MAMLD1: variants seen among roughly 807,000 people sequenced by gnomAD.
MAMLD1 encodes mastermind like domain containing 1.
Under a neutral mutation model 45.0 loss-of-function variants are expected in MAMLD1, and 14 were observed. The ratio of observed to expected loss-of-function variants is 0.31; its 90% CI spans 0.21 to 0.49. The LOEUF is 0.49. MAMLD1 is among the 20% of genes least tolerant of loss of function. MAMLD1 has a pLI of 0.99. For synonymous variants in MAMLD1, 254 were observed against 247.8 expected (o/e 1.02, Z -0.24); for missense variants, 543 against 603.6 (o/e 0.90, Z 1.05).
intron 1 of MAMLD1, among the ~76,000 whole-genome samples, chrX:150,404,050 GA>G (rs1481653563): frequency 1.8e-4 from 11 of 60,319 alleles, no homozygotes; most frequent in African/African-American, 1.2e-3. Context: ...AGGAAGGAAG[GA>G]AAGGAAGGAA....
intron 2 of MAMLD1, among the ~76,000 whole-genome samples, chrX:150,462,239 G>A (rs983912240): frequency 8.9e-6 from 1 of 112,311 alleles, no homozygotes; most frequent in Non-Finnish European, 1.9e-5. Flanking sequence ...ATCTATGCTG[G>A]ACTTTGACCA....
rs183407653 is a variant in MAMLD1 at position 150,493,113 on chromosome X, C to A, written c.2041-10161C>A. On this transcript the variant is annotated intron_variant, in intron 5 of 7. Coordinates refer to ENST00000370401, the MANE Select transcript of MAMLD1 (RefSeq NM_005491.5). ...TACATACTTGAGTGTCTGTGTGGAC[C>A]AAATCTGGGGTGGGAAGGCAGGCTT... 5.9e-3 allele frequency among the ~76,000 whole-genome samples: 658 copies of A among 111,525 alleles called. 4 individuals are homozygous for A. Among genetic ancestry groups the A allele is most frequent in the African/African-American group, 0.02 (599 of 30,629 alleles).
chrX:150,480,772 G>GT (rs1271109322), intron 5 of MAMLD1, among the ~76,000 whole-genome samples: 1 of 112,326 alleles, frequency 8.9e-6, no homozygotes, highest in African/African-American at 3.2e-5. Flanking sequence ...AAAAATAAAA[G>GT]TGGGTGCTCC....
chrX:150,469,538 G>C (rs2036335051), intron 3 of MAMLD1, among the ~76,000 whole-genome samples: 1 of 111,801 alleles, frequency 8.9e-6, no homozygotes, highest in African/African-American at 3.3e-5. Context: ...TCTTTAAACT[G>C]AGAGGTCTGT....
At chrX:150,392,096 A>G (rs1326361727) in intron 1 of MAMLD1, among the ~76,000 whole-genome samples, 1 of 112,244 alleles carries the variant, frequency 8.9e-6, no homozygotes, top group Non-Finnish European at 1.9e-5. Flanking sequence ...GGAAGAGGGA[A>G]ATAGAGACTG....
intron 1 of MAMLD1, among the ~76,000 whole-genome samples, chrX:150,440,228 C>T (rs1464624797): frequency 1.8e-5 from 2 of 110,720 alleles, no homozygotes; most frequent in Non-Finnish European, 3.8e-5. Flanking sequence ...AGAATAAACT[C>T]AACTTGATCA....
chrX:150,453,874 C>T (rs1439052855), intron 2 of MAMLD1, among the ~76,000 whole-genome samples: 2 of 112,205 alleles, frequency 1.8e-5, no homozygotes, highest in East Asian at 2.8e-4. Context: ...GAGCCACCTG[C>T]CATTCTATCA....
chrX:150,446,825 A>G (rs1346865178), intron 2 of MAMLD1, among the ~76,000 whole-genome samples: 1 of 112,719 alleles, frequency 8.9e-6, no homozygotes, highest in Non-Finnish European at 1.9e-5. Flanking sequence ...TCAACAATTG[A>G]GTCAGTAAAG....
chrX:150,376,876 G>GA (rs34242695), intron 1 of MAMLD1, among the ~76,000 whole-genome samples: 84 of 93,196 alleles, frequency 9.0e-4, no homozygotes, highest in South Asian at 7.2e-3. Flanking sequence ...TTTCATTATG[G>GA]AAAAAAAAAA....
At chrX:150,398,343 G>GAAGAAGAAAGAAGAA (rs1569564636) in intron 1 of MAMLD1, among the ~76,000 whole-genome samples, 10 of 56,452 alleles carry the variant, frequency 1.8e-4, no homozygotes, top group African/African-American at 5.6e-4. Context: ...AAGAAGAAGA[G>GAAGAAGAAAGAAGAA]GAAGAGGAAG....
At position 150,510,017 on chromosome X, in the gene MAMLD1, A is replaced by G. The variant is rs374973978; in HGVS notation, c.*15A>G. The G allele has an allele frequency of 2.5e-6, 3 of 1,205,881 alleles. No individual in the cohort carries two copies. The highest frequency in any genetic ancestry group is 2.3e-4 in the Middle Eastern group (1 of 4,339). Reference sequence around the variant, plus strand: ...ATGACCCCTGAACGGCAGAATGCATATATCTCCCAACAGATGAGTCCATTT... The same window carrying G: ...ATGACCCCTGAACGGCAGAATGCATGTATCTCCCAACAGATGAGTCCATTT... On this transcript the variant is annotated 3_prime_UTR_variant, in exon 7 of 8. Coordinates refer to ENST00000370401, the MANE Select transcript of MAMLD1 (RefSeq NM_005491.5).
chrX:150,451,336 A>G (rs1476910430), intron 2 of MAMLD1, among the ~76,000 whole-genome samples: 1 of 111,666 alleles, frequency 9.0e-6, no homozygotes, highest in Non-Finnish European at 1.9e-5. Context: ...AAGGAGAGGG[A>G]TGCTGTTAGA....
chrX:150,367,827 G>T (rs2031614056), intron 1 of MAMLD1, among the ~76,000 whole-genome samples: 1 of 109,210 alleles, frequency 9.2e-6, no homozygotes, highest in Admixed American at 9.8e-5. Context: ...TTTTGTCCTT[G>T]CGATAGTTTG....
chrX:150,372,739 G>A (rs2032086949), intron 1 of MAMLD1, among the ~76,000 whole-genome samples: 1 of 110,540 alleles, frequency 9.0e-6, no homozygotes, highest in African/African-American at 3.2e-5. Flanking sequence ...TGACATTCGA[G>A]CTAAAGTGAA....
intron 1 of MAMLD1, among the ~76,000 whole-genome samples, chrX:150,385,806 T>C (rs2032899954): frequency 8.9e-6 from 1 of 112,110 alleles, no homozygotes; most frequent in Non-Finnish European, 1.9e-5. Flanking sequence ...AAAATGTTTC[T>C]ATATAATACC....
chrX:150,377,674 C>G (rs2032391630), intron 1 of MAMLD1, among the ~76,000 whole-genome samples: 2 of 111,330 alleles, frequency 1.8e-5, no homozygotes, highest in Non-Finnish European at 1.9e-5. Flanking sequence ...ACTTCTAACT[C>G]TTTTTTTAAT....
At chrX:150,428,701 G>A (rs1301622499) in intron 1 of MAMLD1, among the ~76,000 whole-genome samples, 1 of 112,238 alleles carries the variant, frequency 8.9e-6, no homozygotes, top group Non-Finnish European at 1.9e-5. Context: ...ATGTGCTGAG[G>A]TTGTGAGATA....
rs34242695 is a variant in MAMLD1, at chrX:150,376,876, GAAA to G, written c.-64+13358_-64+13360del. On this transcript the variant is annotated intron_variant, in intron 1 of 7. Transcript: ENST00000370401. ...TTCATATTTGCTAATTTTCATTATGGAAAAAAAAAAAAAACAATCCCAAGCCAC... is the reference window on the plus strand; with the variant it reads ...TTCATATTTGCTAATTTTCATTATGGAAAAAAAAAAACAATCCCAAGCCAC... 6.3e-3 allele frequency among the ~76,000 whole-genome samples: 587 copies of G among 93,243 alleles called. 2 individuals carry two copies. The highest frequency in any genetic ancestry group is 0.022 in the African/African-American group (565 of 26,252). 81.0% of individuals were successfully genotyped at this position (93,243 alleles called of 115,157 possible).
chrX:150,469,834 C>T lies in MAMLD1; in HGVS notation c.261C>T (p.Cys87=). The change falls in exon 4 of 8, where the codon TGC becomes TGT. Residue 87 remains cysteine, a synonymous_variant. Coordinates refer to ENST00000370401, the MANE Select transcript of MAMLD1 (RefSeq NM_005491.5). Reference sequence around the variant, plus strand: ...ACCCTAATAAAATTAAGAGGCCTTGCCTTGAAGATGTCACCCTTGCAATGG... The same window carrying T: ...ACCCTAATAAAATTAAGAGGCCTTGTCTTGAAGATGTCACCCTTGCAATGG... ...GGYPNKIKRP[C]LEDVTLAMGP... 1 of 1,211,450 alleles carries T rather than the reference C, an allele frequency of 8.3e-7. No individual in the cohort carries two copies. Among genetic ancestry groups the T allele is most frequent in the Non-Finnish European group, 1.1e-6 (1 of 895,303 alleles).
Sources: allele counts gnomAD v4.1 joint callset (sites outside exome capture counted in the v4.1 genomes callset), GRCh38; gene constraint gnomAD v4.1.1; transcripts MANE v1.5; gene names NCBI Gene and HGNC (gene_info 2026-07-23, HGNC 2026-07-21).